RAPGEF5: variants seen among roughly 807,000 people sequenced by gnomAD.
RAPGEF5 encodes M-Ras-regulated GEF.
In RAPGEF5, 65 loss-of-function variants were observed where a neutral mutation model predicts 125.2. That is an observed-to-expected ratio of 0.52 (90% confidence interval 0.43 to 0.64). The LOEUF (loss-of-function observed/expected upper bound fraction) is 0.64, where lower values mean the gene tolerates loss of function less well. Among genes scored for constraint, RAPGEF5 ranks in the 30% least tolerant of loss-of-function variants. RAPGEF5 has a pLI of 0.00. For synonymous variants in RAPGEF5, 391 were observed against 385.9 expected (o/e 1.01, Z -0.16); for missense variants, 958 against 1,048.1 (o/e 0.91, Z 1.19).
intron 6 of RAPGEF5, among the ~76,000 whole-genome samples, chr7:22,271,685 T>C (rs1404450391): frequency 6.6e-6 from 1 of 152,194 alleles, no homozygotes; most frequent in African/African-American, 2.4e-5. Flanking sequence ...TGATAAAACA[T>C]ATCCCAAATT....
chr7:22,219,977 G>A lies in RAPGEF5; in HGVS notation c.885C>T (p.Cys295=). The stretch of plus-strand genomic sequence containing the variant: ...CGATTTCATCTCTTTCCTGGAGCTT[G>A]CACATCACCCCTGCCTTAAGAGTTG... ...SVPDSQAGVM[C]KLQERDEIGR... is the part of the protein sequence containing the mutation. The change falls in exon 9 of 26, where the codon TGC becomes TGT. Residue 295 remains cysteine (C), a synonymous_variant. Coordinates refer to ENST00000665637, the MANE Select transcript of RAPGEF5 (RefSeq NM_012294.5). 1.2e-6 allele frequency: 2 copies of A among 1,613,510 alleles called. No individual in the cohort carries two copies. The highest frequency in any genetic ancestry group is 1.3e-5 in the African/African-American group (1 of 75,006).
intron 14 of RAPGEF5, among the ~76,000 whole-genome samples, chr7:22,159,328 T>C (rs1783910074): frequency 6.6e-6 from 1 of 152,242 alleles, no homozygotes; most frequent in African/African-American, 2.4e-5. Context: ...AAGATTTTGA[T>C]GATTGAGGAC....
At chr7:22,235,268 C>T (rs1443908495) in intron 7 of RAPGEF5, among the ~76,000 whole-genome samples, 1 of 152,192 alleles carries the variant, frequency 6.6e-6, no homozygotes, top group East Asian at 1.9e-4. Flanking sequence ...TGATGTTCAA[C>T]CTGAAATGCT....
At chr7:22,279,880 G>T (rs1292226400) in intron 6 of RAPGEF5, among the ~76,000 whole-genome samples, 1 of 152,174 alleles carries the variant, frequency 6.6e-6, no homozygotes. Flanking sequence ...GCTGGCAAAT[G>T]GGGCACATGG....
At chr7:22,220,658 G>C (rs1007186915) in intron 8 of RAPGEF5, among the ~76,000 whole-genome samples, 3 of 151,532 alleles carry the variant, frequency 2.0e-5, no homozygotes, top group African/African-American at 7.3e-5. Context: ...TTTTACATTA[G>C]GTCAAAGTGC....
At chr7:22,196,274 G>C (rs1785145805) in intron 9 of RAPGEF5, among the ~76,000 whole-genome samples, 1 of 152,294 alleles carries the variant, frequency 6.6e-6, no homozygotes, top group Admixed American at 6.5e-5. Context: ...CCTGACCCCT[G>C]CATGCTTAAC....
chr7:22,222,530 G>T (rs1432321403), intron 8 of RAPGEF5, among the ~76,000 whole-genome samples: 1 of 152,174 alleles, frequency 6.6e-6, no homozygotes, highest in Non-Finnish European at 1.5e-5. Context: ...TAATGCTCAA[G>T]TGTGTTTGGC....
chr7:22,164,199 T>C (rs957730156), intron 12 of RAPGEF5, among the ~76,000 whole-genome samples: 27 of 152,072 alleles, frequency 1.8e-4, no homozygotes, highest in African/African-American at 6.5e-4. Flanking sequence ...GGTATGGTGA[T>C]GGGCATCTGT....
chr7:22,214,243 A>AC (rs1785577965), intron 9 of RAPGEF5, among the ~76,000 whole-genome samples: 1 of 152,144 alleles, frequency 6.6e-6, no homozygotes, highest in Non-Finnish European at 1.5e-5. Context: ...CCACCCATCC[A>AC]TATTTCATGA....
chr7:22,146,835 T>C, intron 19 of RAPGEF5, 62 bp downstream of exon 19: 1 of 1,555,134 alleles, frequency 6.4e-7, no homozygotes, highest in Non-Finnish European at 8.7e-7. Flanking sequence ...GCATTGATAT[T>C]CTTCACAAAG....
intron 25 of RAPGEF5, among the ~76,000 whole-genome samples, chr7:22,123,710 C>T (rs1782652635): frequency 6.6e-6 from 1 of 152,172 alleles, no homozygotes; most frequent in Non-Finnish European, 1.5e-5. Context: ...TTTATACCAT[C>T]CCACCTGTTT....
At chr7:22,184,621 T>C (rs1343198207) in intron 11 of RAPGEF5, among the ~76,000 whole-genome samples, 2 of 152,224 alleles carry the variant, frequency 1.3e-5, no homozygotes, top group African/African-American at 4.8e-5. Context: ...TGTGTTGTAA[T>C]GAAAACTTCC....
At chr7:22,189,297 A>G (rs1784918632) in intron 11 of RAPGEF5, among the ~76,000 whole-genome samples, 1 of 152,208 alleles carries the variant, frequency 6.6e-6, no homozygotes, top group African/African-American at 2.4e-5. Flanking sequence ...AAAATCAGTA[A>G]GAAGGGGTTT....
chr7:22,152,532 G>T (rs1783661009), intron 17 of RAPGEF5, among the ~76,000 whole-genome samples: 1 of 152,092 alleles, frequency 6.6e-6, no homozygotes, highest in Non-Finnish European at 1.5e-5. Flanking sequence ...CTGAATAACT[G>T]GGTAGTTTAT....
In RAPGEF5 at chr7:22,325,582, T is replaced by C. The variant is rs114472144; in HGVS notation, c.232-7545A>G. On this transcript the variant is annotated intron_variant, in intron 1 of 25. Coordinates refer to ENST00000665637, the MANE Select transcript of RAPGEF5 (RefSeq NM_012294.5). ...TAAATTATAAATATATGTAATTTTT[T>C]AAAGACAGGGTCTTGCTCTGTCTCC... 3.7e-3 allele frequency among the ~76,000 whole-genome samples: 560 copies of C among 152,304 alleles called. 2 individuals are homozygous for C. The highest frequency in any genetic ancestry group is 0.013 in the African/African-American group (522 of 41,560).
chr7:22,331,179 G>GA (rs1170912248), intron 1 of RAPGEF5, among the ~76,000 whole-genome samples: 2 of 152,174 alleles, frequency 1.3e-5, no homozygotes, highest in East Asian at 3.8e-4. Flanking sequence ...CTGAAATACA[G>GA]ATTCAATTAA....
At chr7:22,298,549 C>T (rs1023495338) in intron 5 of RAPGEF5, 1 of 152,112 alleles carries the variant, frequency 6.6e-6, no homozygotes, top group Admixed American at 6.5e-5. Flanking sequence ...AACAGTCACT[C>T]CTCTTTAATT....
chr7:22,297,584 G>A (rs1032059385), intron 5 of RAPGEF5, among the ~76,000 whole-genome samples: 1 of 152,146 alleles, frequency 6.6e-6, no homozygotes, highest in Non-Finnish European at 1.5e-5. Context: ...ACTCCTTAAC[G>A]AACCACCTCT....
At chr7:22,281,362 C>T (rs1464084984) in intron 6 of RAPGEF5, among the ~76,000 whole-genome samples, 1 of 152,160 alleles carries the variant, frequency 6.6e-6, no homozygotes, top group East Asian at 1.9e-4. Context: ...CAGGTGCACG[C>T]CACCTCATCG....
Sources: gnomAD v4.1 joint callset for allele counts (sites outside exome capture counted in the v4.1 genomes callset) on GRCh38, gnomAD v4.1.1 for gene constraint, MANE v1.5 for transcripts, NCBI Gene and HGNC (gene_info 2026-07-23, HGNC 2026-07-21) for gene names.